The following MATN2 variants were observed in gnomAD, a reference collection of about 807,000 sequenced individuals.
The protein encoded by MATN2 is matrilin-2.
Under a neutral mutation model 103.2 loss-of-function variants are expected in MATN2, and 69 were observed. That is an observed-to-expected ratio of 0.67 (90% CI 0.55 to 0.82). The LOEUF is 0.82. Ranked by LOEUF, MATN2 falls within the 40% of genes least tolerant of loss-of-function variation. MATN2 has a pLI of 0.00. For synonymous variants in MATN2, 429 were observed against 450.2 expected, an observed-to-expected ratio of 0.95 and a Z score of 0.60; for missense variants, 1,023 against 1,211.5, an observed-to-expected ratio of 0.84 and a Z score of 2.31.
chr8:97,981,775 G>A (rs927891272), intron 6 of MATN2, among the ~76,000 whole-genome samples: 1 of 152,158 alleles, frequency 6.6e-6, no homozygotes, highest in Admixed American at 6.5e-5. Flanking sequence ...CTAGTTCCCA[G>A]AGTGGCACCA....
intron 5 of MATN2, among the ~76,000 whole-genome samples, chr8:97,976,221 G>A (rs1811832825): frequency 6.6e-6 from 1 of 151,690 alleles, no homozygotes; most frequent in Non-Finnish European, 1.5e-5. Flanking sequence ...AGTTCTCCCT[G>A]CCTCAGCCTT....
At chr8:97,888,879 G>A (rs1389180422) in intron 2 of MATN2, among the ~76,000 whole-genome samples, 1 of 152,176 alleles carries the variant, frequency 6.6e-6, no homozygotes, top group African/African-American at 2.4e-5. Context: ...TTCAAGTCCT[G>A]CCTCTGCTAC....
At chr8:98,012,465 T>C (rs912053332) in intron 10 of MATN2, among the ~76,000 whole-genome samples, 11 of 151,030 alleles carry the variant, frequency 7.3e-5, no homozygotes, top group Admixed American at 7.3e-4. Context: ...ACCCAGAGAG[T>C]GAGTACAGTG....
intron 1 of MATN2, among the ~76,000 whole-genome samples, chr8:97,881,944 A>C (rs957191831): frequency 8.6e-6 from 1 of 116,864 alleles, no homozygotes; most frequent in Non-Finnish European, 1.7e-5. Flanking sequence ...TTTGAGACAG[A>C]GTCTCACTCT....
At chr8:97,895,073 A>G (rs151045584) in intron 2 of MATN2, among the ~76,000 whole-genome samples, 1 of 152,020 alleles carries the variant, frequency 6.6e-6, no homozygotes, top group Non-Finnish European at 1.5e-5. Flanking sequence ...GGGTTTCATC[A>G]TGTTGGCCAG....
chr8:98,008,680 A>G (rs938609344), intron 10 of MATN2, among the ~76,000 whole-genome samples: 1 of 152,064 alleles, frequency 6.6e-6, no homozygotes, highest in African/African-American at 2.4e-5. Flanking sequence ...TCAGGGAGGG[A>G]TCGGGCACAG....
chr8:97,914,128 A>G (rs1809541387), intron 2 of MATN2, among the ~76,000 whole-genome samples: 1 of 152,104 alleles, frequency 6.6e-6, no homozygotes, highest in Non-Finnish European at 1.5e-5. Context: ...TGCCTTCTCT[A>G]TTAGTATATA....
At chr8:97,923,725 A>G (rs1488026278) in intron 2 of MATN2, among the ~76,000 whole-genome samples, 1 of 151,840 alleles carries the variant, frequency 6.6e-6, no homozygotes, top group East Asian at 1.9e-4. Context: ...GCCGGCTAAT[A>G]TTTGTATTTT....
chr8:97,884,394 C>T (rs1818356881), intron 1 of MATN2, among the ~76,000 whole-genome samples: 1 of 151,980 alleles, frequency 6.6e-6, no homozygotes, highest in African/African-American at 2.4e-5. Flanking sequence ...CCCACCTTAG[C>T]CTCCAAAGTG....
chr8:97,980,081 G>C (rs1016316514), intron 6 of MATN2, among the ~76,000 whole-genome samples: 1 of 152,158 alleles, frequency 6.6e-6, no homozygotes, highest in Admixed American at 6.5e-5. Flanking sequence ...CCTTAAGGGA[G>C]AAGATAACTG....
At chr8:97,906,626 T>C (rs1819179000) in intron 2 of MATN2, among the ~76,000 whole-genome samples, 1 of 152,218 alleles carries the variant, frequency 6.6e-6, no homozygotes, top group Non-Finnish European at 1.5e-5. Context: ...ATCACTGCAA[T>C]GTAGAACTAC....
chr8:97,910,655 A>G (rs1461888822), intron 2 of MATN2, among the ~76,000 whole-genome samples: 1 of 152,192 alleles, frequency 6.6e-6, no homozygotes, highest in Non-Finnish European at 1.5e-5. Flanking sequence ...GTACTCTTGT[A>G]TAGTTGTGTG....
intron 6 of MATN2, among the ~76,000 whole-genome samples, chr8:97,988,493 G>A (rs576780099): frequency 9.9e-5 from 15 of 151,934 alleles, no homozygotes; most frequent in African/African-American, 2.9e-4. Flanking sequence ...GGGCATGGTG[G>A]CAAGTGCCTG....
At chr8:97,885,641 G>T (rs1719010002) in intron 1 of MATN2, among the ~76,000 whole-genome samples, 1 of 151,744 alleles carries the variant, frequency 6.6e-6, no homozygotes. Context: ...AATTAGTAAA[G>T]AGTTTAAATA....
At chr8:97,993,679 G>C (rs1263979187) in intron 6 of MATN2, among the ~76,000 whole-genome samples, 1 of 152,130 alleles carries the variant, frequency 6.6e-6, no homozygotes, top group Admixed American at 6.5e-5. Flanking sequence ...AGGTAACCAG[G>C]AGGTGTTTTG....
At chr8:98,029,139 G>A (rs1178014704) in intron 14 of MATN2, among the ~76,000 whole-genome samples, 2 of 152,174 alleles carry the variant, frequency 1.3e-5, no homozygotes, top group African/African-American at 4.8e-5. Context: ...ACATTCACTC[G>A]CTGTCTTTGT....
intron 4 of MATN2, among the ~76,000 whole-genome samples, chr8:97,950,507 T>C (rs1810911706): frequency 6.6e-6 from 1 of 152,198 alleles, no homozygotes; most frequent in South Asian, 2.1e-4. Context: ...GATTCCCCTC[T>C]ATGGGCCTGA....
chr8:97,947,983 G>A (rs997643450), intron 4 of MATN2, among the ~76,000 whole-genome samples: 2 of 152,054 alleles, frequency 1.3e-5, no homozygotes, highest in African/African-American at 2.4e-5. Context: ...TTAAACACAC[G>A]TTTTTGAGTA....
chr8:97,894,411 C>T (rs1357062667), intron 2 of MATN2, among the ~76,000 whole-genome samples: 1 of 149,448 alleles, frequency 6.7e-6, no homozygotes, highest in Non-Finnish European at 1.5e-5. Context: ...CTCACTGCAG[C>T]CTGAGCTCAA....
Sources: gnomAD v4.1 joint callset for allele counts (sites outside exome capture counted in the v4.1 genomes callset) on GRCh38, gnomAD v4.1.1 for gene constraint, MANE v1.5 for transcripts, NCBI Gene and HGNC (gene_info 2026-07-23, HGNC 2026-07-21) for gene names.